The following ARHGAP32 variants were observed in gnomAD, a reference collection of about 807,000 sequenced individuals.
ARHGAP32 encodes the protein Rho GTPase activating protein 32, also known as rho GTPase-activating protein 32.
ARHGAP32 carries 51 observed loss-of-function variants against 186.5 expected under a neutral mutation model. The observed-to-expected ratio is 0.27, with a 90% confidence interval of 0.22 to 0.35. The LOEUF (loss-of-function observed/expected upper bound fraction) is 0.35. Ranked by LOEUF, ARHGAP32 falls within the 10% of genes least tolerant of loss-of-function variation. The probability of loss-of-function intolerance (pLI) is 1.00; values close to 1 mark genes in which losing one functional copy is unlikely to be tolerated. For missense variants in ARHGAP32, 2,186 were observed against 2,623.5 expected, an observed-to-expected ratio of 0.83 and a Z score of 3.64; for synonymous variants, 950 against 964.3, an observed-to-expected ratio of 0.99 and a Z score of 0.27.
At chr11:129,164,292 A>T (rs1473488847) in intron 2 of ARHGAP32, 27 bp downstream of exon 2, 2 of 1,307,364 alleles carry the variant, frequency 1.5e-6, no homozygotes, top group African/African-American at 1.5e-5. Context: ...ATATGTATAT[A>T]TGAACAATTG....
At chr11:129,071,961 A>G (rs1940883195) in intron 6 of ARHGAP32, among the ~76,000 whole-genome samples, 1 of 152,210 alleles carries the variant, frequency 6.6e-6, no homozygotes, top group South Asian at 2.1e-4. Flanking sequence ...CCTGGCAAAA[A>G]AAGACAAACA....
chr11:129,260,234 G>A (rs999078578), intron 1 of ARHGAP32, among the ~76,000 whole-genome samples: 5 of 152,046 alleles, frequency 3.3e-5, no homozygotes, highest in African/African-American at 9.7e-5. Flanking sequence ...ATTTGTTTAC[G>A]TGGGCATAAA....
intron 1 of ARHGAP32, among the ~76,000 whole-genome samples, chr11:129,181,513 T>C (rs535415373): frequency 6.6e-6 from 1 of 152,278 alleles, no homozygotes; most frequent in South Asian, 2.1e-4. Context: ...TAAATTTTCC[T>C]ACTTTTCAAA....
intron 1 of ARHGAP32, among the ~76,000 whole-genome samples, chr11:129,236,448 TCTTTGTAGATTCTGAATATTAGTC>T (rs1029802901): frequency 6.6e-6 from 1 of 152,200 alleles, no homozygotes; most frequent in African/African-American, 2.4e-5. Flanking sequence ...TTGTTTGGCT[TCTTTGTAGATTCTGAATATTAGTC>T]CTTTGTCTGA....
chr11:129,113,574 AT>A (rs1370971931), intron 5 of ARHGAP32, among the ~76,000 whole-genome samples: 1 of 151,740 alleles, frequency 6.6e-6, no homozygotes, highest in Non-Finnish European at 1.5e-5. Flanking sequence ...TTTTTTCCAG[AT>A]TTCTAGGCTG....
At chr11:129,151,337 A>AAC (rs1261811276) in intron 2 of ARHGAP32, among the ~76,000 whole-genome samples, 1 of 152,190 alleles carries the variant, frequency 6.6e-6, no homozygotes, top group Non-Finnish European at 1.5e-5. Context: ...TCAACAAAGA[A>AAC]ACAATAGACT....
chr11:128,966,593 TA>T lies in ARHGAP32; in HGVS notation c.*2313del, dbSNP rs1945227469. 6.6e-6 allele frequency: 1 copy of T among 152,226 alleles called. No homozygotes were observed. The highest frequency in any genetic ancestry group is 1.5e-5 in the Non-Finnish European group (1 of 68,038). 9.4% of individuals were successfully genotyped at this position (152,226 alleles called of 1,614,324 possible). On this transcript the variant is annotated 3_prime_UTR_variant, in exon 23 of 23. Coordinates refer to ENST00000682385, the MANE Select transcript of ARHGAP32 (RefSeq NM_001378024.1). ...TCTAAACCCACAGGACATTTATTAA[TA>T]AAGAAATTGTTTCGAGGAATTAACC...
intron 2 of ARHGAP32, among the ~76,000 whole-genome samples, chr11:129,130,106 T>C (rs1022013865): frequency 1.3e-5 from 2 of 152,100 alleles, no homozygotes; most frequent in Non-Finnish European, 2.9e-5. Context: ...TATAAAGCAA[T>C]ACTAAGTAAG....
chr11:129,088,994 T>TGAAAAAAAAAAAAAAAAAAAA (rs1565416702), intron 6 of ARHGAP32, among the ~76,000 whole-genome samples: 2 of 65,572 alleles, frequency 3.1e-5, no homozygotes, highest in Admixed American at 1.9e-4. Flanking sequence ...AGAGACCTTG[T>TGAAAAAAAAAAAAAAAAAAAA]CAAAAAAAAA....
chr11:128,997,011 G>A (rs903555662), intron 12 of ARHGAP32, among the ~76,000 whole-genome samples: 5 of 152,074 alleles, frequency 3.3e-5, no homozygotes, highest in Admixed American at 1.3e-4. Flanking sequence ...ACTCCTAGGC[G>A]CAAGCTATCT....
Position 129,124,858 on chromosome 11 carries a change from G to C in ARHGAP32, c.262C>G (p.Leu88Val), listed in dbSNP as rs865838798. The change falls in exon 3 of 23, where the codon CTT becomes GTT. Residue 88 changes from leucine to valine, a missense_variant. Transcript: ENST00000682385. ...GTACTGCCACACGTCTTAAGAGTAAGATCTCCAGGAATCTCTGGAACATCT... is the reference window on the plus strand; with the variant it reads ...GTACTGCCACACGTCTTAAGAGTAACATCTCCAGGAATCTCTGGAACATCT... ...GADVPEIPGD[L>V]TLKTCGSTAS... 1.9e-6 allele frequency: 3 copies of C among 1,611,100 alleles called. No individual in the cohort carries two copies.
intron 1 of ARHGAP32, among the ~76,000 whole-genome samples, chr11:129,220,128 C>T (rs190795046): frequency 1.3e-5 from 2 of 152,256 alleles, no homozygotes; most frequent in Admixed American, 6.5e-5. Context: ...AATATGTTTT[C>T]CCTATATCTG....
intron 11 of ARHGAP32, among the ~76,000 whole-genome samples, chr11:129,024,923 C>T (rs1375705182): frequency 6.6e-6 from 1 of 152,102 alleles, no homozygotes; most frequent in Non-Finnish European, 1.5e-5. Context: ...TACTGAGATT[C>T]AATACTTCTA....
chr11:129,167,452 G>A (rs1279770687), intron 1 of ARHGAP32, among the ~76,000 whole-genome samples: 1 of 152,092 alleles, frequency 6.6e-6, no homozygotes, highest in African/African-American at 2.4e-5. Context: ...TAGCCAAAAA[G>A]TAGGGACAAT....
chr11:129,196,927 C>CA (rs1591691531), upstream of ARHGAP32, among the ~76,000 whole-genome samples: 1 of 152,004 alleles, frequency 6.6e-6, no homozygotes, highest in Non-Finnish European at 1.5e-5. Flanking sequence ...CTTGGTGATG[C>CA]ATGCATGTAA....
intron 11 of ARHGAP32, among the ~76,000 whole-genome samples, chr11:129,015,398 A>T (rs911265956): frequency 6.6e-6 from 1 of 152,212 alleles, no homozygotes; most frequent in African/African-American, 2.4e-5. Flanking sequence ...ATTATACAGA[A>T]ATATTTAAGA....
At chr11:129,179,840 T>C (rs1262690623) in intron 1 of ARHGAP32, among the ~76,000 whole-genome samples, 1 of 152,094 alleles carries the variant, frequency 6.6e-6, no homozygotes, top group Non-Finnish European at 1.5e-5. Context: ...ATATACCTAA[T>C]GCTAGATGAC....
Position 128,974,248 on chromosome 11 carries a change from T to C in ARHGAP32, c.2949A>G (p.Ala983=), listed in dbSNP as rs1234537227. Residue 983 remains alanine, a synonymous_variant, in exon 21 of 23, where the codon GCA becomes GCG. Coordinates refer to ENST00000682385, the MANE Select transcript of ARHGAP32 (RefSeq NM_001378024.1). The stretch of plus-strand genomic sequence containing the variant: ...CCAGGGGCTGGACTTCAGATTCATA[T>C]GCTTCTTGGGCAACTGTCTCATTTG... ...MKTNETVAQE[A]YESEVQPLDQ... is the part of the protein sequence containing the mutation. The C allele has an allele frequency of 1.2e-6, 2 of 1,614,224 alleles. No homozygotes were observed. The highest frequency in any genetic ancestry group is 2.2e-5 in the East Asian group (1 of 44,886).
intron 5 of ARHGAP32, among the ~76,000 whole-genome samples, chr11:129,105,152 C>G (rs1421472697): frequency 6.6e-6 from 1 of 152,136 alleles, no homozygotes; most frequent in African/African-American, 2.4e-5. Flanking sequence ...CTACAACTAT[C>G]TGGAGCAAAA....
Sources: gnomAD v4.1 joint callset for allele counts (sites outside exome capture counted in the v4.1 genomes callset) on GRCh38, gnomAD v4.1.1 for gene constraint, MANE v1.5 for transcripts, NCBI Gene and HGNC (gene_info 2026-07-23, HGNC 2026-07-21) for gene names.